Variants in FKBP3 observed in about 807,000 individuals in gnomAD.
The protein encoded by FKBP3 is peptidyl-prolyl cis-trans isomerase FKBP3.
Under a neutral mutation model 30.6 loss-of-function variants are expected in FKBP3, and 21 were observed. The ratio of observed to expected loss-of-function variants is 0.69; its 90% CI spans 0.49 to 0.99. FKBP3 has a LOEUF of 0.99. Among genes scored for constraint, FKBP3 ranks in the 50% least tolerant of loss-of-function variants. The probability of loss-of-function intolerance (pLI) is 0.00; values close to 1 mark genes in which losing one functional copy is unlikely to be tolerated. For synonymous variants in FKBP3, 82 were observed against 91.3 expected (o/e 0.90, Z 0.58); for missense variants, 283 against 261.6 (o/e 1.08, Z -0.56).
At chr14:45,123,464 C>CCTCT (rs1340806184) in intron 3 of FKBP3, among the ~76,000 whole-genome samples, 1 of 151,754 alleles carries the variant, frequency 6.6e-6, no homozygotes, top group Non-Finnish European at 1.5e-5. Context: ...AGATAGGACC[C>CCTCT]CTGTCTCTGT....
chr14:45,131,467 A>G (rs1885212130), intron 1 of FKBP3, among the ~76,000 whole-genome samples: 1 of 151,852 alleles, frequency 6.6e-6, no homozygotes, highest in Non-Finnish European at 1.5e-5. Context: ...CCCCATCTCT[A>G]CTAAAAATAC....
At chr14:45,120,833 C>T in intron 5 of FKBP3, 54 bp downstream of exon 5, 1 of 1,399,984 alleles carries the variant, frequency 7.1e-7, no homozygotes, top group East Asian at 2.3e-5. Flanking sequence ...CAGCACCATA[C>T]CAGAAGCAGC....
At chr14:45,130,491 C>T (rs1885189595) in intron 2 of FKBP3, among the ~76,000 whole-genome samples, 1 of 152,210 alleles carries the variant, frequency 6.6e-6, no homozygotes, top group African/African-American at 2.4e-5. Flanking sequence ...GCTACAAAAT[C>T]CAGACCCTTT....
At position 45,116,137 on chromosome 14, in the gene FKBP3, T is replaced by C; in HGVS notation, c.*61A>G. 1 of 1,251,146 alleles carries C rather than the reference T, an allele frequency of 8.0e-7. No homozygotes were observed. The highest frequency in any genetic ancestry group is 1.7e-5 in the Admixed American group (1 of 58,092). The allele number at this position is 1,251,146 out of a possible 1,614,324, so 77.5% of individuals were successfully genotyped here. A position where few individuals can be genotyped will look rare whatever the true frequency, so the allele number is the denominator to read the frequency against. Reference sequence around the variant, plus strand: ...AACAAGTTCTAACTAGTTGTGTAAATTTCTTCAAGGCCAAGTTTTATCATT... The same window carrying C: ...AACAAGTTCTAACTAGTTGTGTAAACTTCTTCAAGGCCAAGTTTTATCATT... On this transcript the variant is annotated 3_prime_UTR_variant, in exon 7 of 7. Coordinates refer to ENST00000396062, the MANE Select transcript of FKBP3 (RefSeq NM_002013.4).
At chr14:45,120,732 T>C (rs1884966884) in intron 5 of FKBP3, among the ~76,000 whole-genome samples, 155 bp downstream of exon 5, 1 of 152,180 alleles carries the variant, frequency 6.6e-6, no homozygotes, top group Non-Finnish European at 1.5e-5. Context: ...CCGAGATAAC[T>C]TGTGCAAGAT....
chr14:45,117,908 A>G, intron 6 of FKBP3, 120 bp downstream of exon 6: 1 of 700,654 alleles, frequency 1.4e-6, no homozygotes, highest in South Asian at 1.7e-5. Flanking sequence ...GATCAGGAAG[A>G]CTAGTCTGGA....
intron 1 of FKBP3, among the ~76,000 whole-genome samples, chr14:45,134,085 C>T (rs550364014): frequency 7.9e-5 from 12 of 152,324 alleles, no homozygotes; most frequent in African/African-American, 2.4e-4. Flanking sequence ...TCCACCCCCA[C>T]TCAAGGATCC....
chr14:45,121,242 T>C (rs1245006927), intron 4 of FKBP3, among the ~76,000 whole-genome samples: 1 of 152,186 alleles, frequency 6.6e-6, no homozygotes, highest in Non-Finnish European at 1.5e-5. Context: ...ATGCCTTACT[T>C]TGGGACATTA....
At position 45,132,472 on chromosome 14, in the gene FKBP3, A is replaced by T. The variant is rs189824544; in HGVS notation, c.109-1672T>A. 1.0e-3 allele frequency among the ~76,000 whole-genome samples: 154 copies of T among 152,204 alleles called. 2 individuals are homozygous for T. The highest frequency in any genetic ancestry group is 3.3e-3 in the African/African-American group (138 of 41,540). ...GAGTGCAGTGGCCCAATCTCGGCCC[A>T]CTGCAACCTCCCCCTCTTGGGTTGA... On this transcript the variant is annotated intron_variant, in intron 1 of 6. Coordinates refer to ENST00000396062, the MANE Select transcript of FKBP3 (RefSeq NM_002013.4).
chr14:45,125,232 T>C lies in FKBP3; in HGVS notation c.319-3612A>G, dbSNP rs1394394892. Among the ~76,000 whole-genome samples the C allele has an allele frequency of 2.0e-5, 3 of 152,296 alleles. No individual in the cohort carries two copies. The East Asian group carries it at 5.8e-4, about 29-fold the overall frequency. On this transcript the variant is annotated intron_variant, in intron 3 of 6. Transcript: ENST00000396062. ...TGCCCAGCCAGATTTGTGTTTTAAA[T>C]AGATCACTGTGACTGAAATATAAAA...
chr14:45,115,917 A>C lies in FKBP3; in HGVS notation c.*281T>G, dbSNP rs917768836. 5.3e-5 allele frequency: 19 copies of C among 357,162 alleles called. No individual in the cohort carries two copies. The highest frequency in any genetic ancestry group is 3.8e-4 in the African/African-American group (19 of 49,400). 22.1% of individuals were successfully genotyped at this position (357,162 alleles called of 1,614,324 possible). On this transcript the variant is annotated 3_prime_UTR_variant, in exon 7 of 7. Transcript: ENST00000396062. ...CACAGTCAGATCAAGACAGTGGATC[A>C]ATTTTTATTGAGCCACTTAAGTTTA... is the stretch of plus-strand genomic sequence containing the variant.
chr14:45,124,065 C>G (rs1438011162), intron 3 of FKBP3, among the ~76,000 whole-genome samples: 3 of 152,198 alleles, frequency 2.0e-5, no homozygotes, highest in Non-Finnish European at 4.4e-5. Context: ...AGTCAGTCCT[C>G]TACTCAACTG....
At chr14:45,119,687 CAA>C (rs1884939498) in intron 5 of FKBP3, among the ~76,000 whole-genome samples, 1 of 150,690 alleles carries the variant, frequency 6.6e-6, no homozygotes, top group Non-Finnish European at 1.5e-5. Context: ...GGGCAGGTAA[CAA>C]TTTTTTTTTT....
chr14:45,129,985 T>C, intron 2 of FKBP3, 84 bp from the exon 3 acceptor site: 1 of 699,160 alleles, frequency 1.4e-6, no homozygotes, highest in Non-Finnish European at 2.4e-6. Flanking sequence ...CTCAATTAAA[T>C]GAACATCTGC....
At chr14:45,117,376 T>G (rs1288183018) in intron 6 of FKBP3, among the ~76,000 whole-genome samples, 1 of 152,240 alleles carries the variant, frequency 6.6e-6, no homozygotes, top group Non-Finnish European at 1.5e-5. Context: ...TTTTTCAAAC[T>G]TAATCTGATG....
intron 3 of FKBP3, among the ~76,000 whole-genome samples, chr14:45,122,570 G>A (rs1594742473): frequency 6.6e-6 from 1 of 151,426 alleles, no homozygotes; most frequent in Non-Finnish European, 1.5e-5. Context: ...GTGTGATCTC[G>A]GCTCACTGCA....
intron 6 of FKBP3, among the ~76,000 whole-genome samples, chr14:45,116,565 T>G (rs1418559372): frequency 5.3e-5 from 8 of 152,008 alleles, no homozygotes; most frequent in Non-Finnish European, 1.0e-4. Flanking sequence ...TTTAAGATGC[T>G]AAGTTCAAGG....
chr14:45,127,135 CAG>C, intron 3 of FKBP3, among the ~76,000 whole-genome samples: 1 of 92,350 alleles, frequency 1.1e-5, no homozygotes, highest in South Asian at 3.4e-4. Flanking sequence ...TTTTTTGAGA[CAG>C]AGTTTCACTC....
intron 3 of FKBP3, among the ~76,000 whole-genome samples, chr14:45,127,344 A>G (rs966922992): frequency 6.6e-6 from 1 of 150,774 alleles, no homozygotes; most frequent in East Asian, 2.0e-4. Flanking sequence ...CGAACTCCCA[A>G]CCTCAGGTGA....
Sources: allele counts gnomAD v4.1 joint callset (sites outside exome capture counted in the v4.1 genomes callset), GRCh38; gene constraint gnomAD v4.1.1; transcripts MANE v1.5; gene names NCBI Gene and HGNC (gene_info 2026-07-23, HGNC 2026-07-21).